SEMA6C: variants seen among roughly 807,000 people sequenced by gnomAD.
SEMA6C encodes semaphorin 6C.
SEMA6C carries 37 observed loss-of-function variants against 72.9 expected under a neutral mutation model. The ratio of observed to expected loss-of-function variants is 0.51; its 90% CI spans 0.39 to 0.67. The LOEUF (loss-of-function observed/expected upper bound fraction) is 0.67, where lower values mean the gene tolerates loss of function less well. Among genes scored for constraint, SEMA6C ranks in the 30% least tolerant of loss-of-function variants. SEMA6C has a pLI of 0.00. For missense variants in SEMA6C, 1,189 were observed against 1,263.6 expected (o/e 0.94, Z 0.89); for synonymous variants, 578 against 554.1 (o/e 1.04, Z -0.61).
In SEMA6C at chr1:151,132,597, C is replaced by A. The variant is rs200137396; in HGVS notation, c.2680G>T (p.Gly894Cys). 1,263 of 1,551,446 alleles carry A rather than the reference C, an allele frequency of 8.1e-4. 1 individual carries two copies. Among genetic ancestry groups the A allele is most frequent in the Non-Finnish European group, 1.0e-3 (1,193 of 1,147,292 alleles). The change falls in exon 19 of 19, where the codon GGC becomes TGC. Residue 894 changes from glycine to cysteine, a missense_variant. By Grantham distance (159) the Gly-to-Cys change is radical. Around this residue, in one of 2 missense-constraint regions of SEMA6C, gnomAD observed 721 missense variants for 686.2 expected, o/e 1.05. Transcript: ENST00000368914. ...ACGTCCACCCTTTTCAGGGCGCGGC[C>A]CCGGTAGCCCTCGGGCCGGCCCAGG... Reference protein sequence around the residue: ...LYLGRPEGYRGRALKRVDVEK... With the variant: ...LYLGRPEGYRCRALKRVDVEK...
rs1681711119 is a variant in SEMA6C, at chr1:151,133,168, G to A, written c.2109C>T (p.Ser703=). The change falls in exon 19 of 19, where the codon TCC becomes TCT. Residue 703 remains serine, a synonymous_variant. Coordinates refer to ENST00000368914, the MANE Select transcript of SEMA6C (RefSeq NM_030913.6). This position sits in a 1 kb window ranked among gnomAD's most constrained non-coding sequence, Gnocchi z 5.9. ...GGTGCTTGACCGGCAGCTCCGGCGT[G>A]GACTCGGGGGTGGGCAGGCAGGCCA... The part of the protein sequence containing the change: ...PELACLPTPE[S]TPELPVKHLR... 1 of 1,555,236 alleles carries A rather than the reference G, an allele frequency of 6.4e-7. No individual in the cohort carries two copies. Among genetic ancestry groups the A allele is most frequent in the Non-Finnish European group, 8.6e-7 (1 of 1,162,652 alleles).
intron 12 of SEMA6C, 80 bp from the exon 13 acceptor site, chr1:151,136,243 A>G (rs1682012900): frequency 1.3e-6 from 2 of 1,569,182 alleles, no homozygotes; most frequent in Non-Finnish European, 1.7e-6. Context: ...ACTGCTCCCA[A>G]ACCTGACTGG....
At chr1:151,141,695 A>C (rs1264742844) in intron 3 of SEMA6C, among the ~76,000 whole-genome samples, 1 of 144,874 alleles carries the variant, frequency 6.9e-6, no homozygotes, top group East Asian at 2.1e-4. Flanking sequence ...ACAGGTGTAA[A>C]GCCACCGTGC....
rs1310659239 is a variant in SEMA6C at position 151,134,858 on chromosome 1, T to C, written c.1598A>G (p.Gln533Arg). The change falls in exon 16 of 19, where the codon CAG becomes CGG. Residue 533 changes from glutamine to arginine, a missense_variant. By Grantham distance (43) the Gln-to-Arg change is conservative. Transcript: ENST00000368914. ...GACQRSCLAS[Q>R]DPYCGWHSSR... ...GCTATGCCATCCACAGTATGGGTCC[T>C]GAGAAGCCAAACAGCTCCTAGGGAA... 1 of 1,614,082 alleles carries C rather than the reference T, an allele frequency of 6.2e-7. No individual in the cohort carries two copies. The highest frequency in any genetic ancestry group is 1.3e-5 in the African/African-American group (1 of 75,038).
chr1:151,140,488 G>A (rs949977324), intron 3 of SEMA6C, among the ~76,000 whole-genome samples: 2 of 152,116 alleles, frequency 1.3e-5, no homozygotes, highest in Non-Finnish European at 2.9e-5. Context: ...CTCCCACCTT[G>A]TGCACTGTCC....
In SEMA6C at chr1:151,133,976, A is replaced by G. The variant is rs772201524; in HGVS notation, c.1759+425T>C. 6.5e-6 allele frequency: 8 copies of G among 1,237,988 alleles called. No homozygotes were observed. The East Asian group carries it at 2.4e-4, about 37-fold the overall frequency. The allele number at this position is 1,237,988 out of a possible 1,614,324, so 76.7% of individuals were successfully genotyped here. A position where few individuals can be genotyped will look rare whatever the true frequency, so the allele number is the denominator to read the frequency against. ...CCCCCTTACCCCGAGTGTGAACTCC[A>G]AGAGTGGAAGACTGGGGCCGGGGGT... On this transcript the variant is annotated intron_variant, in intron 18 of 18. Coordinates refer to ENST00000368914, the MANE Select transcript of SEMA6C (RefSeq NM_030913.6). This position sits in a 1 kb window ranked among gnomAD's most constrained non-coding sequence, Gnocchi z 5.9.
intron 14 of SEMA6C, 64 bp downstream of exon 14, chr1:151,135,527 T>A: frequency 6.5e-7 from 1 of 1,547,900 alleles, no homozygotes; most frequent in Non-Finnish European, 8.7e-7. Context: ...TATTCCCGAA[T>A]CTGCAGCTGC....
At position 151,132,805 on chromosome 1, in the gene SEMA6C, G is replaced by A; in HGVS notation, c.2472C>T (p.Pro824=). ...CGGGGGCAGAGGCGCACCTGCCCTC[G>A]GGGGGCACGTCCAGCCTCAGCGGCG... is the stretch of plus-strand genomic sequence containing the variant. ...CASPLRLDVP[P]EGRCASAPAR... is the part of the protein sequence containing the mutation. Residue 824 remains proline, a synonymous_variant, in exon 19 of 19, where the codon CCC becomes CCT. Coordinates refer to ENST00000368914, the MANE Select transcript of SEMA6C (RefSeq NM_030913.6). 1 of 1,329,468 alleles carries A rather than the reference G, an allele frequency of 7.5e-7. No homozygotes were observed. The highest frequency in any genetic ancestry group is 9.6e-7 in the Non-Finnish European group (1 of 1,036,650). 82.4% of individuals were successfully genotyped at this position (1,329,468 alleles called of 1,614,324 possible).
rs587745569 is a variant in SEMA6C, at chr1:151,139,384, T to A, written c.354+41A>T. On this transcript the variant is annotated intron_variant, in intron 6 of 18. Coordinates refer to ENST00000368914, the MANE Select transcript of SEMA6C (RefSeq NM_030913.6). ...AGTTGGACAGAGACTGGGGGCAGAG[T>A]AATCCTCTCCTTCCCTCCACATTCT... The A allele has an allele frequency of 1.3e-4, 204 of 1,556,678 alleles. 2 individuals carry two copies. In the South Asian group the frequency reaches 2.2e-3, roughly 17 times the overall value.
Position 151,132,264 on chromosome 1 carries a change from A to C in SEMA6C, c.*220T>G. 6.6e-7 allele frequency: 1 copy of C among 1,526,600 alleles called. No individual in the cohort carries two copies. Among genetic ancestry groups the C allele is most frequent in the Non-Finnish European group, 8.8e-7 (1 of 1,141,186 alleles). The allele number at this position is 1,526,600 out of a possible 1,614,324, so 94.6% of individuals were successfully genotyped here. A position where few individuals can be genotyped will look rare whatever the true frequency, so the allele number is the denominator to read the frequency against. ...CCAGCTCCCCCTGAAATGCTGGCTC[A>C]CTGAGGAGACGGGCTTCTCACCTCC... On this transcript the variant is annotated 3_prime_UTR_variant, in exon 19 of 19. Transcript: ENST00000368914.
intron 3 of SEMA6C, among the ~76,000 whole-genome samples, chr1:151,140,633 C>T (rs1171418950): frequency 6.6e-6 from 1 of 152,188 alleles, no homozygotes; most frequent in Non-Finnish European, 1.5e-5. Flanking sequence ...CTGGCCTGAT[C>T]GTGGTGGAAA....
intron 15 of SEMA6C, 72 bp downstream of exon 15, chr1:151,135,091 G>T: frequency 1.3e-6 from 2 of 1,581,034 alleles, no homozygotes; most frequent in South Asian, 2.3e-5. Flanking sequence ...CCACCCCAAA[G>T]ACCTGTGTTT....
chr1:151,134,689 G>A lies in SEMA6C; in HGVS notation c.1659-14C>T, dbSNP rs1032585650. The A allele has an allele frequency of 5.0e-6, 8 of 1,613,922 alleles. No homozygotes were observed. The Admixed American group carries it at 5.0e-5, about 10-fold the overall frequency. The stretch of plus-strand genomic sequence containing the variant: ...TCCACATCAGTCCTAGGAGGAAAAC[G>A]AAGTGGCTATAGAATTCTGTACGTT... On this transcript the variant is annotated splice_polypyrimidine_tract_variant and intron_variant, in intron 16 of 18. Coordinates refer to ENST00000368914, the MANE Select transcript of SEMA6C (RefSeq NM_030913.6).
In SEMA6C at chr1:151,132,672, A is replaced by G. The variant is rs587693283; in HGVS notation, c.2605T>C (p.Ser869Pro). 6.5e-7 allele frequency: 1 copy of G among 1,546,528 alleles called. No homozygotes were observed. Among genetic ancestry groups the G allele is most frequent in the Admixed American group, 2.0e-5 (1 of 50,480 alleles). ...APPALLTRVPSGGPSRYSGGP... is the reference protein window; with the variant it reads ...APPALLTRVPPGGPSRYSGGP... Reference sequence around the variant, plus strand: ...CCGGAGTACCTGGAGGGACCTCCCGAGGGGACTCGAGTGAGCAGGGCAGGG... The same window carrying G: ...CCGGAGTACCTGGAGGGACCTCCCGGGGGGACTCGAGTGAGCAGGGCAGGG... The change falls in exon 19 of 19, where the codon TCG (serine) becomes CCG (proline). Residue 869 changes from serine to proline, a missense_variant. Ser to Pro is a moderately conservative substitution (Grantham distance 74, BLOSUM62 -1). Around this residue, in one of 2 missense-constraint regions of SEMA6C, gnomAD observed 721 missense variants for 686.2 expected, o/e 1.05. Transcript: ENST00000368914.
chr1:151,142,884 G>A (rs1403577392), intron 2 of SEMA6C, among the ~76,000 whole-genome samples: 2 of 152,150 alleles, frequency 1.3e-5, no homozygotes, highest in African/African-American at 4.8e-5. Flanking sequence ...GCTGGTGTGA[G>A]GCCTGCCTGC....
At chr1:151,144,023 A>G (rs1278633003) in intron 2 of SEMA6C, among the ~76,000 whole-genome samples, 3 of 151,998 alleles carry the variant, frequency 2.0e-5, no homozygotes, top group African/African-American at 7.2e-5. Flanking sequence ...TGGGGCCTCA[A>G]GAGAGCTGAA....
rs111518157 is a variant in SEMA6C, at chr1:151,133,465, T to G, written c.1812A>C (p.Pro604=). 4.5e-6 allele frequency: 7 copies of G among 1,554,474 alleles called. No individual in the cohort carries two copies. Among genetic ancestry groups the G allele is most frequent in the Admixed American group, 1.9e-5 (1 of 53,838 alleles). ...PASASRSVPI[P]LLLASVAAAF... is the part of the protein sequence containing the mutation. ...CTGCGGCCACACTGGCCAGGAGGAG[T>G]GGGATGGGGACGGAGCGGGAGGCCG... Residue 604 remains proline (P), a synonymous_variant, in exon 19 of 19, where the codon CCA becomes CCC. Transcript: ENST00000368914. The surrounding 1 kb of genome is among the most constrained non-coding windows in gnomAD (Gnocchi z 5.9).
intron 17 of SEMA6C, 32 bp downstream of exon 17, chr1:151,134,588 T>C (rs767094406): frequency 1.9e-6 from 3 of 1,612,096 alleles, no homozygotes; most frequent in Non-Finnish European, 2.5e-6. Flanking sequence ...TGTGCAGCTT[T>C]GGCTGCAACA....
In SEMA6C at chr1:151,135,242, G is replaced by A. The variant is rs1681921738; in HGVS notation, c.1501C>T (p.His501Tyr). 1 of 1,614,124 alleles carries A rather than the reference G, an allele frequency of 6.2e-7. No individual in the cohort carries two copies. The highest frequency in any genetic ancestry group is 1.3e-5 in the African/African-American group (1 of 74,944). The change falls in exon 15 of 19, where the codon CAC becomes TAC. Residue 501 changes from histidine to tyrosine, a missense_variant. This residue lies in a region of SEMA6C where 721 missense variants were observed against 686.2 expected (regional missense o/e 1.05). Coordinates refer to ENST00000368914, the MANE Select transcript of SEMA6C (RefSeq NM_030913.6). ...IIGLELDTEGHRLFVAFSGCI... is the reference protein window; with the variant it reads ...IIGLELDTEGYRLFVAFSGCI... ...CCAGAAAAAGCCACAAAAAGCCTGT[G>A]ACCCTCAGTGTCCAGCTCCAGCCCT... is the stretch of plus-strand genomic sequence containing the variant.
Sources: gnomAD v4.1 joint callset for allele counts (sites outside exome capture counted in the v4.1 genomes callset) on GRCh38, gnomAD v4.1.1 for gene constraint, gnomAD v4.1.1 regional missense constraint, Gnocchi (gnomAD v3.1) non-coding constraint, MANE v1.5 for transcripts, NCBI Gene and HGNC (gene_info 2026-07-23, HGNC 2026-07-21) for gene names.